Variants in CDH13 observed in about 807,000 individuals in gnomAD.
CDH13 encodes the protein cadherin 13.
In CDH13, 24 loss-of-function variants were observed where a neutral mutation model predicts 63.8. That is an observed-to-expected ratio of 0.38 (90% CI 0.27 to 0.53). CDH13 has a LOEUF of 0.53. Ranked by LOEUF, CDH13 falls within the 20% of genes least tolerant of loss-of-function variation. The pLI, the probability that CDH13 is intolerant of heterozygous loss-of-function variation, is 0.85. For synonymous variants in CDH13, 503 were observed against 355.3 expected, an observed-to-expected ratio of 1.42 and a Z score of -4.67; for missense variants, 1,049 against 903.1, an observed-to-expected ratio of 1.16 and a Z score of -2.07.
rs556672925 is a variant in CDH13, at chr16:83,479,548, T to G, written c.782-6929T>G. Among the ~76,000 whole-genome samples, 123 of 152,154 alleles carry G rather than the reference T, an allele frequency of 8.1e-4. 1 individual carries two copies. Among genetic ancestry groups the G allele is most frequent in the African/African-American group, 2.9e-3 (121 of 41,480 alleles). Reference sequence around the variant, plus strand: ...GGCAGACACCTGTAGTCCCAGCTACTCAGGAGGCTGAGGCAGGAGAATGGC... The same window carrying G: ...GGCAGACACCTGTAGTCCCAGCTACGCAGGAGGCTGAGGCAGGAGAATGGC... On this transcript the variant is annotated intron_variant, in intron 6 of 13. Transcript: ENST00000567109.
intron 2 of CDH13, among the ~76,000 whole-genome samples, chr16:82,929,427 G>A (rs1168086114): frequency 2.0e-5 from 3 of 151,796 alleles, no homozygotes; most frequent in Non-Finnish European, 2.9e-5. Context: ...TGGATCACAA[G>A]GTCAGGAGAT....
intron 5 of CDH13, among the ~76,000 whole-genome samples, chr16:83,280,100 G>C (rs1193725400): frequency 1.3e-5 from 2 of 152,136 alleles, no homozygotes; most frequent in Non-Finnish European, 2.9e-5. Context: ...TTTAAAATAA[G>C]ACAACAATGA....
intron 5 of CDH13, among the ~76,000 whole-genome samples, chr16:83,218,632 C>G (rs1239822105): frequency 3.9e-5 from 6 of 152,098 alleles, no homozygotes; most frequent in Admixed American, 1.3e-4. Context: ...CTTTCTGTGC[C>G]CATCATGGGA....
intron 1 of CDH13, among the ~76,000 whole-genome samples, chr16:82,707,218 A>T (rs1210746346): frequency 6.6e-6 from 1 of 152,244 alleles, no homozygotes; most frequent in Non-Finnish European, 1.5e-5. Flanking sequence ...TCTTTTCTCC[A>T]TTAACTGAAC....
At chr16:83,208,048 C>T (rs895515424) in intron 4 of CDH13, among the ~76,000 whole-genome samples, 8 of 152,124 alleles carry the variant, frequency 5.3e-5, no homozygotes, top group South Asian at 2.1e-4. Context: ...GTAACCTTAG[C>T]GCCTTCCCTG....
intron 1 of CDH13, among the ~76,000 whole-genome samples, chr16:82,842,164 A>ATT (rs2039061937): frequency 3.1e-5 from 1 of 32,586 alleles, no homozygotes; most frequent in Non-Finnish European, 8.3e-5. Context: ...ATATATATAT[A>ATT]CACACACACA....
At chr16:82,643,065 G>A (rs1237063966) in intron 1 of CDH13, among the ~76,000 whole-genome samples, 1 of 152,214 alleles carries the variant, frequency 6.6e-6, no homozygotes, top group Non-Finnish European at 1.5e-5. Flanking sequence ...AGGAAATGGG[G>A]AGTTACTGCT....
At chr16:83,328,891 G>C (rs921197311) in intron 5 of CDH13, among the ~76,000 whole-genome samples, 3 of 152,172 alleles carry the variant, frequency 2.0e-5, no homozygotes, top group Admixed American at 1.3e-4. Flanking sequence ...CACACTAGCA[G>C]GGATAAAAGG....
intron 2 of CDH13, among the ~76,000 whole-genome samples, chr16:82,881,736 C>T (rs1329362075): frequency 6.6e-6 from 1 of 152,170 alleles, no homozygotes; most frequent in Non-Finnish European, 1.5e-5. Flanking sequence ...TGGAGACAGA[C>T]ACCCACATTC....
chr16:83,182,868 A>G (rs1244619234), intron 4 of CDH13, among the ~76,000 whole-genome samples: 1 of 152,178 alleles, frequency 6.6e-6, no homozygotes, highest in Non-Finnish European at 1.5e-5. Flanking sequence ...TTTATCACAT[A>G]CTTAAAGGCA....
chr16:82,718,975 A>G (rs951317292), intron 1 of CDH13, among the ~76,000 whole-genome samples: 3 of 152,200 alleles, frequency 2.0e-5, no homozygotes. Flanking sequence ...TGTGGTCCGT[A>G]TCTGTTCTGG....
At chr16:82,876,077 G>A (rs909270057) in intron 2 of CDH13, among the ~76,000 whole-genome samples, 1 of 152,148 alleles carries the variant, frequency 6.6e-6, no homozygotes, top group Non-Finnish European at 1.5e-5. Context: ...ACTATCACGA[G>A]AACAGTACAG....
At chr16:82,720,246 C>T (rs550852793) in intron 1 of CDH13, among the ~76,000 whole-genome samples, 4 of 152,200 alleles carry the variant, frequency 2.6e-5, no homozygotes, top group South Asian at 2.1e-4. Flanking sequence ...CTCCTGCCAC[C>T]GTGCAGTTTG....
chr16:83,667,382 A>ATT (rs1248645705), intron 8 of CDH13, among the ~76,000 whole-genome samples: 1 of 152,056 alleles, frequency 6.6e-6, no homozygotes, highest in Non-Finnish European at 1.5e-5. Flanking sequence ...TATTAATTTT[A>ATT]TTAATTCATT....
intron 2 of CDH13, among the ~76,000 whole-genome samples, chr16:82,936,097 T>C (rs1312140542): frequency 6.6e-6 from 1 of 152,146 alleles, no homozygotes; most frequent in Non-Finnish European, 1.5e-5. Context: ...CTTGTCTGCT[T>C]CTTACTGTAC....
chr16:83,503,057 A>G (rs747727390), intron 7 of CDH13, among the ~76,000 whole-genome samples: 5 of 152,202 alleles, frequency 3.3e-5, no homozygotes, highest in Non-Finnish European at 7.3e-5. Flanking sequence ...CAAAGGCTAC[A>G]CAGAGAGAGG....
chr16:82,676,177 T>C (rs1913876260), intron 1 of CDH13, among the ~76,000 whole-genome samples: 1 of 152,224 alleles, frequency 6.6e-6, no homozygotes, highest in Non-Finnish European at 1.5e-5. Flanking sequence ...TTCATATATT[T>C]GGTCTTTCGG....
rs146713916 is a variant in CDH13 at position 83,328,346 on chromosome 16, C to T, written c.637-16516C>T. On this transcript the variant is annotated intron_variant, in intron 5 of 13. Coordinates refer to ENST00000567109, the MANE Select transcript of CDH13 (RefSeq NM_001257.5). The stretch of plus-strand genomic sequence containing the variant: ...AAATTAGCTTAGCTATCTTGAAGAA[C>T]ACCAAGAAGGAATATGTGGCTGAAC... Among the ~76,000 whole-genome samples, 9 of 152,162 alleles carry T rather than the reference C, an allele frequency of 5.9e-5. No homozygotes were observed. In the East Asian group the frequency reaches 1.6e-3, roughly 26 times the overall value.
At chr16:83,022,368 C>G (rs1915422565) in intron 2 of CDH13, among the ~76,000 whole-genome samples, 1 of 152,176 alleles carries the variant, frequency 6.6e-6, no homozygotes. Context: ...AATCTACATT[C>G]TTATGCTCTG....
Sources: gnomAD v4.1 joint callset for allele counts (sites outside exome capture counted in the v4.1 genomes callset) on GRCh38, gnomAD v4.1.1 for gene constraint, MANE v1.5 for transcripts, NCBI Gene and HGNC (gene_info 2026-07-23, HGNC 2026-07-21) for gene names.